DMXL1: variants seen among roughly 807,000 people sequenced by gnomAD.
The protein encoded by DMXL1 is dmX-like protein 1.
DMXL1 carries 99 observed loss-of-function variants against 319.2 expected under a neutral mutation model. The ratio of observed to expected loss-of-function variants is 0.31; its 90% CI spans 0.26 to 0.37. The LOEUF is 0.37. Among genes scored for constraint, DMXL1 ranks in the 10% least tolerant of loss-of-function variants. The pLI, the probability that DMXL1 is intolerant of heterozygous loss-of-function variation, is 1.00. For missense variants in DMXL1, 3,745 were observed against 3,595.6 expected (o/e 1.04, Z -1.06); for synonymous variants, 1,385 against 1,235.2 (o/e 1.12, Z -2.54).
At chr5:119,207,868 A>G (rs1782035368) in intron 34 of DMXL1, among the ~76,000 whole-genome samples, 2 of 152,146 alleles carry the variant, frequency 1.3e-5, no homozygotes, top group Non-Finnish European at 2.9e-5. Context: ...CATGTTTTTC[A>G]TATTCTATAT....
intron 15 of DMXL1, among the ~76,000 whole-genome samples, chr5:119,145,855 T>G (rs1256645864): frequency 6.6e-6 from 1 of 151,766 alleles, no homozygotes; most frequent in Admixed American, 6.6e-5. Flanking sequence ...TGCTCTATTA[T>G]GAAGAAGAAA....
intron 2 of DMXL1, among the ~76,000 whole-genome samples, chr5:119,099,079 T>C (rs1756633371): frequency 6.6e-6 from 1 of 152,212 alleles, no homozygotes; most frequent in Admixed American, 6.5e-5. Context: ...CCCTTTAATA[T>C]AGTTACAGGT....
intron 19 of DMXL1, 113 bp from the exon 20 acceptor site, chr5:119,164,394 G>T: frequency 1.1e-6 from 1 of 932,744 alleles, no homozygotes. Context: ...ATCTTAAACT[G>T]TGAGTCTCAT....
chr5:119,190,141 TTATAAGA>T (rs964833891), intron 29 of DMXL1, among the ~76,000 whole-genome samples: 2 of 151,980 alleles, frequency 1.3e-5, no homozygotes, highest in Non-Finnish European at 2.9e-5. Flanking sequence ...ATTATATTTC[TTATAAGA>T]TAAAAGAGAA....
At chr5:119,151,309 T>C (rs1468547494) in intron 18 of DMXL1, among the ~76,000 whole-genome samples, 2 of 152,116 alleles carry the variant, frequency 1.3e-5, no homozygotes, top group Non-Finnish European at 2.9e-5. Context: ...AATTGAGCCT[T>C]GTAGACCATA....
chr5:119,213,714 C>T (rs1269068642), intron 34 of DMXL1, among the ~76,000 whole-genome samples: 2 of 152,092 alleles, frequency 1.3e-5, no homozygotes, highest in South Asian at 2.1e-4. Flanking sequence ...TCTTATTCAC[C>T]AGATATCACA....
intron 34 of DMXL1, among the ~76,000 whole-genome samples, chr5:119,212,669 A>G (rs1307609619): frequency 1.3e-5 from 2 of 152,168 alleles, no homozygotes; most frequent in East Asian, 3.8e-4. Context: ...TTTTCTTCAC[A>G]TGTCCAGCCC....
At chr5:119,111,289 G>A (rs1392225786) in intron 5 of DMXL1, among the ~76,000 whole-genome samples, 5 of 152,156 alleles carry the variant, frequency 3.3e-5, no homozygotes, top group African/African-American at 9.7e-5. Flanking sequence ...CTAATTACAT[G>A]TTATTATTGA....
intron 29 of DMXL1, among the ~76,000 whole-genome samples, chr5:119,191,706 T>C (rs939637238): frequency 6.6e-6 from 1 of 152,170 alleles, no homozygotes; most frequent in African/African-American, 2.4e-5. Flanking sequence ...GAGATCTCTG[T>C]TGCTTTTGAT....
intron 38 of DMXL1, among the ~76,000 whole-genome samples, chr5:119,227,587 T>C (rs1433322498): frequency 6.6e-6 from 1 of 152,148 alleles, no homozygotes; most frequent in Non-Finnish European, 1.5e-5. Context: ...GGACTATATA[T>C]GTACAGTACC....
At chr5:119,175,402 G>A (rs1775608097) in intron 26 of DMXL1, 65 bp downstream of exon 26, 1 of 1,211,062 alleles carries the variant, frequency 8.3e-7, no homozygotes. Context: ...TATTTTGTAT[G>A]TTAGTGGTTT....
intron 9 of DMXL1, among the ~76,000 whole-genome samples, chr5:119,128,991 G>T (rs1764210748): frequency 6.6e-6 from 1 of 152,062 alleles, no homozygotes; most frequent in African/African-American, 2.4e-5. Context: ...TTGAACCAGG[G>T]AGTTTGCAGT....
intron 9 of DMXL1, chr5:119,127,810 G>T: frequency 7.5e-6 from 2 of 266,844 alleles, no homozygotes; most frequent in South Asian, 4.1e-5. Context: ...TTAATTTTAT[G>T]TTCTTAGATT....
At chr5:119,195,308 C>T (rs1482493564) in intron 30 of DMXL1, among the ~76,000 whole-genome samples, 1 of 152,142 alleles carries the variant, frequency 6.6e-6, no homozygotes, top group Admixed American at 6.5e-5. Context: ...ATGTTCTTAG[C>T]AGCATTATTT....
At chr5:119,091,928 CAG>C (rs1754886073) in intron 1 of DMXL1, among the ~76,000 whole-genome samples, 1 of 152,182 alleles carries the variant, frequency 6.6e-6, no homozygotes, top group Non-Finnish European at 1.5e-5. Flanking sequence ...TCCCTGTCCT[CAG>C]AGATATTTCT....
intron 28 of DMXL1, among the ~76,000 whole-genome samples, chr5:119,183,232 A>G (rs148197349): frequency 2.2e-4 from 33 of 152,360 alleles, no homozygotes; most frequent in African/African-American, 7.5e-4. Context: ...GTGTAAAAAC[A>G]AAAGTTCTGT....
intron 1 of DMXL1, among the ~76,000 whole-genome samples, chr5:119,077,484 T>G (rs1328405372): frequency 6.4e-5 from 9 of 139,906 alleles, no homozygotes; most frequent in African/African-American, 2.4e-4. Context: ...CTTAGGTTTT[T>G]TTTTTTTTTT....
intron 33 of DMXL1, among the ~76,000 whole-genome samples, chr5:119,205,939 A>G (rs1204500731): frequency 6.6e-6 from 1 of 152,062 alleles, no homozygotes; most frequent in African/African-American, 2.4e-5. Flanking sequence ...CAGGCCCTGT[A>G]TTTTGGATGG....
chr5:119,240,731 G>T (rs150038684), intron 42 of DMXL1, among the ~76,000 whole-genome samples: 1 of 152,062 alleles, frequency 6.6e-6, no homozygotes, highest in Admixed American at 6.6e-5. Context: ...ACAGGTTATC[G>T]TTGTAAACAT....
Sources: gnomAD v4.1 joint callset for allele counts (sites outside exome capture counted in the v4.1 genomes callset) on GRCh38, gnomAD v4.1.1 for gene constraint, MANE v1.5 for transcripts, NCBI Gene and HGNC (gene_info 2026-07-23, HGNC 2026-07-21) for gene names.